Variants in CD2AP observed in about 807,000 individuals in gnomAD.
The protein encoded by CD2AP is CD2-associated protein.
In CD2AP, 46 loss-of-function variants were observed where a neutral mutation model predicts 85.1. The ratio of observed to expected loss-of-function variants is 0.54; its 90% CI spans 0.43 to 0.69. The LOEUF is 0.69. Among genes scored for constraint, CD2AP ranks in the 30% least tolerant of loss-of-function variants. The probability of loss-of-function intolerance (pLI) is 0.00; values close to 1 mark genes in which losing one functional copy is unlikely to be tolerated. For missense variants in CD2AP, 769 were observed against 729.5 expected (o/e 1.05, Z -0.62); for synonymous variants, 255 against 252.9 (o/e 1.01, Z -0.08).
In CD2AP at chr6:47,587,313, C is replaced by T. The variant is rs570086458; in HGVS notation, c.1108+5248C>T. Reference sequence around the variant, plus strand: ...GCTCTGTTCTGTCAGAGATGTGGGGCGCAGAAAAGAGCTACTTAGAAACCA... The same window carrying T: ...GCTCTGTTCTGTCAGAGATGTGGGGTGCAGAAAAGAGCTACTTAGAAACCA... On this transcript the variant is annotated intron_variant, in intron 11 of 17. Coordinates refer to ENST00000359314, the MANE Select transcript of CD2AP (RefSeq NM_012120.3). Among the ~76,000 whole-genome samples the T allele has an allele frequency of 3.5e-4, 54 of 152,194 alleles. 1 individual carries two copies. Among genetic ancestry groups the T allele is most frequent in the Admixed American group, 2.2e-3 (34 of 15,286 alleles).
intron 3 of CD2AP, among the ~76,000 whole-genome samples, chr6:47,535,139 A>G (rs1766997308): frequency 6.6e-6 from 1 of 152,158 alleles, no homozygotes; most frequent in Admixed American, 6.5e-5. Context: ...GATTTAACCC[A>G]TCTATGCCTA....
In CD2AP at chr6:47,584,540, C is replaced by T. The variant is rs148066770; in HGVS notation, c.1108+2475C>T. Among the ~76,000 whole-genome samples the T allele has an allele frequency of 3.3e-5, 5 of 151,942 alleles. No individual in the cohort carries two copies. In the East Asian group the frequency reaches 5.8e-4, roughly 18 times the overall value. ...CAAGGCCCTCCAGTAACTAACTGACCCCCCGATTACATTTTTGATATCATC... is the reference window on the plus strand; with the variant it reads ...CAAGGCCCTCCAGTAACTAACTGACTCCCCGATTACATTTTTGATATCATC... On this transcript the variant is annotated intron_variant, in intron 11 of 17. Coordinates refer to ENST00000359314, the MANE Select transcript of CD2AP (RefSeq NM_012120.3).
At chr6:47,505,606 T>C (rs1766126131) in intron 2 of CD2AP, among the ~76,000 whole-genome samples, 4 of 113,926 alleles carry the variant, frequency 3.5e-5, no homozygotes, top group African/African-American at 9.6e-5. Flanking sequence ...ACGGGGCGGC[T>C]GGCCGGGCGG....
chr6:47,568,393 A>G (rs1768059211), intron 5 of CD2AP, among the ~76,000 whole-genome samples: 1 of 152,152 alleles, frequency 6.6e-6, no homozygotes, highest in Non-Finnish European at 1.5e-5. Context: ...AATCCTTAGA[A>G]AAATTCGGAT....
intron 11 of CD2AP, among the ~76,000 whole-genome samples, chr6:47,589,023 G>A (rs1314848338): frequency 6.6e-6 from 1 of 151,948 alleles, no homozygotes; most frequent in Non-Finnish European, 1.5e-5. Context: ...ATATATTTAG[G>A]ATCTATCATA....
At chr6:47,581,611 A>G (rs572890829) in intron 10 of CD2AP, among the ~76,000 whole-genome samples, 1 of 152,316 alleles carries the variant, frequency 6.6e-6, no homozygotes, top group Non-Finnish European at 1.5e-5. Flanking sequence ...GCCACTAACC[A>G]TGTGTGGCTT....
At chr6:47,517,346 G>A (rs573549931) in intron 2 of CD2AP, among the ~76,000 whole-genome samples, 3 of 151,682 alleles carry the variant, frequency 2.0e-5, no homozygotes, top group African/African-American at 7.3e-5. Context: ...GCAGTGGTGC[G>A]GTGCGATCAC....
chr6:47,494,184 G>C (rs1043408637), intron 1 of CD2AP, among the ~76,000 whole-genome samples: 2 of 152,162 alleles, frequency 1.3e-5, no homozygotes, highest in Non-Finnish European at 2.9e-5. Context: ...AATCGTTAGT[G>C]TGAGGATTTA....
At chr6:47,479,901 A>G (rs766777357) in intron 1 of CD2AP, among the ~76,000 whole-genome samples, 1 of 148,352 alleles carries the variant, frequency 6.7e-6, no homozygotes, top group Non-Finnish European at 1.5e-5. Context: ...ATTTTTTTTT[A>G]GAAGTGTGGA....
chr6:47,518,367 A>G (rs1766504840), intron 2 of CD2AP, among the ~76,000 whole-genome samples: 1 of 152,248 alleles, frequency 6.6e-6, no homozygotes, highest in African/African-American at 2.4e-5. Context: ...TTAGTGTTCT[A>G]CTGCATTTGT....
chr6:47,598,791 T>C (rs963180343), intron 12 of CD2AP, among the ~76,000 whole-genome samples: 4 of 150,718 alleles, frequency 2.7e-5, no homozygotes, highest in East Asian at 1.9e-4. Context: ...AGACTGCACA[T>C]TGGGTACAGT....
chr6:47,509,083 C>CT (rs1296968518), intron 2 of CD2AP, among the ~76,000 whole-genome samples: 6 of 152,024 alleles, frequency 3.9e-5, no homozygotes, highest in Admixed American at 3.3e-4. Flanking sequence ...ATACTAGAGG[C>CT]TGTTGTAGGG....
At chr6:47,480,362 A>ATT (rs1427147206) in intron 1 of CD2AP, among the ~76,000 whole-genome samples, 1 of 152,292 alleles carries the variant, frequency 6.6e-6, no homozygotes, top group East Asian at 1.9e-4. Flanking sequence ...AGCCTAAAAT[A>ATT]TTTACATGAT....
rs917854806 is a variant in CD2AP, at chr6:47,597,997, G to T, written c.1275-1304G>T. Among the ~76,000 whole-genome samples, 40 of 150,970 alleles carry T rather than the reference G, an allele frequency of 2.6e-4. 2 individuals are homozygous for T. Among genetic ancestry groups the T allele is most frequent in the African/African-American group, 9.7e-4 (40 of 41,392 alleles). On this transcript the variant is annotated intron_variant, in intron 12 of 17. Transcript: ENST00000359314. ...GGAATGGCAGCCCATTTAGTCTCCT[G>T]CCACAGCCTTCCTAAGTCACAGCCC...
intron 5 of CD2AP, among the ~76,000 whole-genome samples, chr6:47,572,829 A>G (rs971614062): frequency 3.9e-5 from 6 of 152,210 alleles, no homozygotes; most frequent in Non-Finnish European, 7.4e-5. Flanking sequence ...GAGATAATTC[A>G]TATGCGGTGC....
intron 5 of CD2AP, among the ~76,000 whole-genome samples, chr6:47,567,252 G>A (rs1388815603): frequency 6.6e-6 from 1 of 152,056 alleles, no homozygotes; most frequent in South Asian, 2.1e-4. Context: ...AGGGTTGTGA[G>A]TAGTAATATG....
chr6:47,481,720 T>C (rs1384846734), intron 1 of CD2AP, among the ~76,000 whole-genome samples: 1 of 152,214 alleles, frequency 6.6e-6, no homozygotes, highest in Non-Finnish European at 1.5e-5. Flanking sequence ...GTGATTTCTT[T>C]ATGTTACTTT....
chr6:47,603,889 G>A (rs79704124), intron 13 of CD2AP, among the ~76,000 whole-genome samples: 6,691 of 152,036 alleles, frequency 0.044, 213 homozygotes, highest in Non-Finnish European at 0.073. Flanking sequence ...AATAGGTGGT[G>A]CACATTGATT....
At chr6:47,579,239 T>C (rs918048154) in intron 8 of CD2AP, 146 bp from the exon 9 acceptor site, 5 of 615,554 alleles carry the variant, frequency 8.1e-6, no homozygotes, top group African/African-American at 1.9e-5. Context: ...GGAGGCTGAG[T>C]TGGGAGGATC....
Sources: gnomAD v4.1 joint callset for allele counts (sites outside exome capture counted in the v4.1 genomes callset) on GRCh38, gnomAD v4.1.1 for gene constraint, MANE v1.5 for transcripts, NCBI Gene and HGNC (gene_info 2026-07-23, HGNC 2026-07-21) for gene names.